The following EFCAB12 variants were observed in gnomAD, a reference collection of about 807,000 sequenced individuals.
EFCAB12 encodes EF-hand calcium binding domain 12.
Under a neutral mutation model 53.6 loss-of-function variants are expected in EFCAB12, and 43 were observed. The observed-to-expected ratio is 0.80, with a 90% CI of 0.63 to 1.03. The LOEUF (loss-of-function observed/expected upper bound fraction) is 1.03, where lower values mean the gene tolerates loss of function less well. EFCAB12 is among the 50% of genes least tolerant of loss of function. The probability of loss-of-function intolerance (pLI) is 0.00; values close to 1 mark genes in which losing one functional copy is unlikely to be tolerated. For missense variants in EFCAB12, 646 were observed against 730.6 expected (o/e 0.88, Z 1.34); for synonymous variants, 269 against 289.2 (o/e 0.93, Z 0.71).
chr3:129,425,608 C>G (rs1019306751), intron 1 of EFCAB12, among the ~76,000 whole-genome samples: 1 of 152,212 alleles, frequency 6.6e-6, no homozygotes, highest in Non-Finnish European at 1.5e-5. Flanking sequence ...TCCAAGGGTG[C>G]CTGCCCACCA....
At chr3:129,405,585 C>A (rs2071938573) in intron 6 of EFCAB12, among the ~76,000 whole-genome samples, 1 of 152,176 alleles carries the variant, frequency 6.6e-6, no homozygotes, top group South Asian at 2.1e-4. Flanking sequence ...TTCAAATGAG[C>A]AAGTATTATC....
chr3:129,418,296 G>T lies in EFCAB12; in HGVS notation c.639C>A (p.Asn213Lys). The T allele has an allele frequency of 1.2e-6, 2 of 1,613,116 alleles. No individual in the cohort carries two copies. The highest frequency in any genetic ancestry group is 2.2e-5 in the South Asian group (2 of 90,944). The change falls in exon 3 of 9, where the codon AAC becomes AAA. Residue 213 changes from asparagine (N) to lysine (K), a missense_variant. Coordinates refer to ENST00000505956, the MANE Select transcript of EFCAB12 (RefSeq NM_207307.3). Reference protein sequence around the residue: ...EIFHKVGQGENQRITREEFIA... With the variant: ...EIFHKVGQGEKQRITREEFIA... ...TGAACTCCTCCCTGGTGATTCTCTGGTTCTCACCCTGGCCCACCTTGTGAA... is the reference window on the plus strand; with the variant it reads ...TGAACTCCTCCCTGGTGATTCTCTGTTTCTCACCCTGGCCCACCTTGTGAA...
intron 2 of EFCAB12, among the ~76,000 whole-genome samples, chr3:129,419,938 T>A (rs2107741322): frequency 6.6e-6 from 1 of 152,330 alleles, no homozygotes; most frequent in African/African-American, 2.4e-5. Flanking sequence ...AAGGAATAAA[T>A]GATCCTATGA....
chr3:129,418,541 C>G, intron 2 of EFCAB12, 93 bp from the exon 3 acceptor site: 2 of 1,193,630 alleles, frequency 1.7e-6, no homozygotes, highest in Non-Finnish European at 2.3e-6. Context: ...AAGGAGAGGA[C>G]GAGCAGCTCT....
At position 129,402,339 on chromosome 3, in the gene EFCAB12, G is replaced by C. The variant is rs2071883389; in HGVS notation, c.1460+184C>G. Among the ~76,000 whole-genome samples, 3 of 152,180 alleles carry C rather than the reference G, an allele frequency of 2.0e-5. 1 individual carries two copies. In the South Asian group the frequency reaches 6.2e-4, roughly 32 times the overall value. ...GTAGGGCTGTTGGGAGGATCTGAGT[G>C]AGTGAACACATGGAAAGCCCCAGAG... On this transcript the variant is annotated intron_variant, in intron 8 of 8. Transcript: ENST00000505956.
rs150708888 is a variant in EFCAB12, at chr3:129,426,508, G to C, written c.49+1932C>G. On this transcript the variant is annotated intron_variant, in intron 1 of 8. Coordinates refer to ENST00000505956, the MANE Select transcript of EFCAB12 (RefSeq NM_207307.3). The stretch of plus-strand genomic sequence containing the variant: ...GCCTCCCGAGTACCTGGGACTACAG[G>C]TGTCTGCCACCACGACCGGCTAATT... 4.5e-3 allele frequency among the ~76,000 whole-genome samples: 679 copies of C among 151,786 alleles called. 8 individuals are homozygous for C. The highest frequency in any genetic ancestry group is 0.016 in the African/African-American group (661 of 41,380).
At chr3:129,417,343 A>AAC (rs1559789790) in intron 3 of EFCAB12, among the ~76,000 whole-genome samples, 35 of 136,002 alleles carry the variant, frequency 2.6e-4, no homozygotes, top group East Asian at 1.9e-3. Flanking sequence ...AAAAAAACCA[A>AAC]AAAAAAAAAA....
intron 6 of EFCAB12, 93 bp downstream of exon 6, chr3:129,408,552 A>G: frequency 1.5e-6 from 2 of 1,344,810 alleles, no homozygotes; most frequent in Non-Finnish European, 1.0e-6. Flanking sequence ...CAGTGGCTTG[A>G]ATGGCTGCAT....
chr3:129,417,425 A>T (rs2072132862), intron 3 of EFCAB12, among the ~76,000 whole-genome samples: 1 of 151,590 alleles, frequency 6.6e-6, no homozygotes, highest in African/African-American at 2.4e-5. Context: ...TTGGCTAGCC[A>T]TATGGTCTGT....
rs751983749 is a variant in EFCAB12 at position 129,418,388 on chromosome 3, C to T, written c.547G>A (p.Glu183Lys). 78 of 1,613,244 alleles carry T rather than the reference C, an allele frequency of 4.8e-5. No homozygotes were observed. Among genetic ancestry groups the T allele is most frequent in the South Asian group, 1.1e-4 (10 of 90,950 alleles). The change falls in exon 3 of 9, where the codon GAG becomes AAG. Residue 183 changes from glutamate to lysine, a missense_variant. By Grantham distance (56) the Glu-to-Lys change is moderately conservative (BLOSUM62 1). Coordinates refer to ENST00000505956, the MANE Select transcript of EFCAB12 (RefSeq NM_207307.3). Reference protein sequence around the residue: ...RQMVPQLQLPEPPALSVMYSY... With the variant: ...RQMVPQLQLPKPPALSVMYSY... Reference sequence around the variant, plus strand: ...TACATGACCGACAGGGCAGGGGGCTCGGGCAGCTGGAGCTGGGGCACCATC... The same window carrying T: ...TACATGACCGACAGGGCAGGGGGCTTGGGCAGCTGGAGCTGGGGCACCATC...
chr3:129,408,805 C>G lies in EFCAB12; in HGVS notation c.1089G>C (p.Gly363=), dbSNP rs767725044. Residue 363 remains glycine (G), a synonymous_variant, in exon 6 of 9, where the codon GGG becomes GGC. Transcript: ENST00000505956. ...GGCAGTGCTCATCAAAGTGCCGATT[C>G]CCACAGCGCACCAGGTGACATTGCT... ...YTEQCHLVRC[G]NRHFDEHCLP... The G allele has an allele frequency of 3.2e-6, 5 of 1,577,704 alleles. No homozygotes were observed. The African/African-American group carries it at 5.4e-5, about 17-fold the overall frequency.
intron 6 of EFCAB12, 33 bp from the exon 7 acceptor site, chr3:129,404,436 C>A (rs765726654): frequency 6.4e-7 from 1 of 1,574,414 alleles, no homozygotes; most frequent in Non-Finnish European, 8.6e-7. Context: ...CTGCACCCAT[C>A]AACCCAGACT....
chr3:129,403,349 C>T (rs1022247005), intron 7 of EFCAB12: 1 of 152,452 alleles, frequency 6.6e-6, no homozygotes, highest in Non-Finnish European at 1.5e-5. Context: ...GATGTTGACA[C>T]TCTTTCTCAT....
chr3:129,409,960 G>A (rs1263301211), intron 5 of EFCAB12, among the ~76,000 whole-genome samples: 5 of 151,796 alleles, frequency 3.3e-5, no homozygotes, highest in Non-Finnish European at 7.4e-5. Context: ...AATATTATAG[G>A]TATAAATACA....
At chr3:129,427,250 A>G (rs938554248) in intron 1 of EFCAB12, among the ~76,000 whole-genome samples, 3 of 152,144 alleles carry the variant, frequency 2.0e-5, no homozygotes, top group Non-Finnish European at 4.4e-5. Context: ...TCAGCTTCCC[A>G]TAGTGCTGGG....
chr3:129,409,456 AAGAAG>A (rs1264807894), intron 5 of EFCAB12, among the ~76,000 whole-genome samples: 1 of 152,110 alleles, frequency 6.6e-6, no homozygotes, highest in Non-Finnish European at 1.5e-5. Flanking sequence ...AAGAAAAGAA[AAGAAG>A]AGAAGAAAAG....
rs559643299 is a variant in EFCAB12 at position 129,419,155 on chromosome 3, A to G, written c.487-707T>C. Among the ~76,000 whole-genome samples the G allele has an allele frequency of 2.0e-5, 3 of 152,364 alleles. No homozygotes were observed. The East Asian group carries it at 5.8e-4, about 29-fold the overall frequency. ...TTAATGTTTGTCCCCTCCAAAATAC[A>G]TGTTTAAACTGAACATGACTTTTGT... On this transcript the variant is annotated intron_variant, in intron 2 of 8. Transcript: ENST00000505956.
In EFCAB12 at chr3:129,428,592, A is replaced by G; in HGVS notation, c.-104T>C. 1 of 1,416,286 alleles carries G rather than the reference A, an allele frequency of 7.1e-7. No individual in the cohort carries two copies. Among genetic ancestry groups the G allele is most frequent in the South Asian group, 1.3e-5 (1 of 74,882 alleles). The allele number at this position is 1,416,286 out of a possible 1,614,324, so 87.7% of individuals were successfully genotyped here. On this transcript the variant is annotated 5_prime_UTR_variant, in exon 1 of 9. Transcript: ENST00000505956. ...GGGTATCAGATAAACCGTAACTCCA[A>G]GTCGTGCGAAAGGCGCTCAGCTCAG...
Position 129,404,304 on chromosome 3 carries a change from G to C in EFCAB12, c.1349C>G (p.Pro450Arg). Residue 450 changes from proline to arginine, a missense_variant, in exon 7 of 9, where the codon CCG becomes CGG. Transcript: ENST00000505956. ...GYYSDWKVFS[P>R]NLALLRSQGP... The stretch of plus-strand genomic sequence containing the variant: ...CTGGGACCGGAGCAGAGCCAGATTC[G>C]GAGAAAAGACCTTCCAGTCAGAGTA... The C allele has an allele frequency of 6.2e-7, 1 of 1,613,854 alleles. No homozygotes were observed. Among genetic ancestry groups the C allele is most frequent in the South Asian group, 1.1e-5 (1 of 91,086 alleles).
Sources: gnomAD v4.1 joint callset for allele counts (sites outside exome capture counted in the v4.1 genomes callset) on GRCh38, gnomAD v4.1.1 for gene constraint, MANE v1.5 for transcripts, NCBI Gene and HGNC (gene_info 2026-07-23, HGNC 2026-07-21) for gene names.